Variants in LCORL observed in about 807,000 individuals in gnomAD.
The protein encoded by LCORL is ligand dependent nuclear receptor corepressor like, also known as ligand-dependent nuclear receptor corepressor-like protein.
Under a neutral mutation model 141.8 loss-of-function variants are expected in LCORL, and 41 were observed. That is an observed-to-expected ratio of 0.29 (90% CI 0.23 to 0.38). LCORL has a LOEUF of 0.38. Ranked by LOEUF, LCORL falls within the 10% of genes least tolerant of loss-of-function variation. LCORL has a pLI of 1.00. For missense variants in LCORL, 1,759 were observed against 2,035.0 expected (o/e 0.86, Z 2.61); for synonymous variants, 618 against 694.1 (o/e 0.89, Z 1.72).
chr4:18,018,755 CAT>C (rs1560492074), intron 1 of LCORL, among the ~76,000 whole-genome samples: 2 of 152,104 alleles, frequency 1.3e-5, no homozygotes, highest in Non-Finnish European at 2.9e-5. Flanking sequence ...CCTACAATTC[CAT>C]ATCTCACTTA....
At chr4:17,978,966 C>T (rs1315347657) in intron 1 of LCORL, among the ~76,000 whole-genome samples, 1 of 151,916 alleles carries the variant, frequency 6.6e-6, no homozygotes, top group Non-Finnish European at 1.5e-5. Flanking sequence ...GCACAACTTG[C>T]AGGTTTGTTA....
At chr4:18,002,278 C>T (rs1401012526) in intron 1 of LCORL, among the ~76,000 whole-genome samples, 1 of 152,080 alleles carries the variant, frequency 6.6e-6, no homozygotes, top group Non-Finnish European at 1.5e-5. Flanking sequence ...TGGTTTGCTT[C>T]ATGAATGTAA....
intron 1 of LCORL, among the ~76,000 whole-genome samples, chr4:17,987,107 C>T (rs149948840): frequency 3.7e-4 from 56 of 152,152 alleles, no homozygotes; most frequent in African/African-American, 1.2e-3. Context: ...AACTTATAAA[C>T]GGTATAAAAC....
intron 5 of LCORL, among the ~76,000 whole-genome samples, chr4:17,907,533 A>C (rs980569210): frequency 6.6e-6 from 1 of 152,212 alleles, no homozygotes; most frequent in Non-Finnish European, 1.5e-5. Flanking sequence ...AAGGGAATAT[A>C]AGGCATGGAA....
chr4:17,957,249 A>G (rs1712843431), intron 4 of LCORL, among the ~76,000 whole-genome samples: 3 of 152,030 alleles, frequency 2.0e-5, no homozygotes, highest in Admixed American at 2.0e-4. Context: ...AAAGAAGGTT[A>G]CGGTTTTGAT....
chr4:17,924,721 A>G (rs1399958105), intron 4 of LCORL, among the ~76,000 whole-genome samples: 1 of 152,234 alleles, frequency 6.6e-6, no homozygotes, highest in Non-Finnish European at 1.5e-5. Flanking sequence ...TAGCTAAAGA[A>G]GTGAAGCAGT....
chr4:17,995,081 C>T (rs1177542071), intron 1 of LCORL, among the ~76,000 whole-genome samples: 2 of 152,072 alleles, frequency 1.3e-5, no homozygotes, highest in Non-Finnish European at 2.9e-5. Context: ...AATTCACAGC[C>T]ACAGTGCCAT....
intron 1 of LCORL, among the ~76,000 whole-genome samples, chr4:17,983,597 T>C (rs1718402492): frequency 6.6e-6 from 1 of 152,148 alleles, no homozygotes; most frequent in Non-Finnish European, 1.5e-5. Flanking sequence ...ATGAGGGTAA[T>C]ATTTGTACAT....
intron 1 of LCORL, among the ~76,000 whole-genome samples, chr4:18,009,208 A>G (rs1723287825): frequency 6.6e-6 from 1 of 151,918 alleles, no homozygotes; most frequent in South Asian, 2.1e-4. Context: ...CAGCATTCTA[A>G]TTTTCCCTAC....
intron 1 of LCORL, among the ~76,000 whole-genome samples, chr4:18,004,280 T>C (rs1001180679): frequency 6.6e-6 from 1 of 152,194 alleles, no homozygotes; most frequent in Non-Finnish European, 1.5e-5. Flanking sequence ...TACTAGCCCA[T>C]TTTCATGCTG....
At chr4:17,937,653 A>G (rs528044110) in intron 4 of LCORL, among the ~76,000 whole-genome samples, 1 of 152,354 alleles carries the variant, frequency 6.6e-6, no homozygotes, top group South Asian at 2.1e-4. Flanking sequence ...TATGCTAGTT[A>G]GAACACCAGA....
chr4:17,871,159 AAAT>A (rs1301055596), intron 7 of LCORL, among the ~76,000 whole-genome samples: 11 of 152,152 alleles, frequency 7.2e-5, no homozygotes, highest in African/African-American at 1.2e-4. Flanking sequence ...AATGAGAAAA[AAAT>A]AATACTTTAA....
chr4:17,872,358 GA>G (rs1726449738), intron 7 of LCORL, among the ~76,000 whole-genome samples: 1 of 152,076 alleles, frequency 6.6e-6, no homozygotes, highest in Non-Finnish European at 1.5e-5. Context: ...CACACTGGAA[GA>G]ATTGTCTTGG....
Position 17,898,440 on chromosome 4 carries a change from C to A in LCORL, c.682+10654G>T, listed in dbSNP as rs373237268. On this transcript the variant is annotated intron_variant, in intron 5 of 7. Coordinates refer to ENST00000635767, the Ensembl canonical transcript of LCORL. ...AGAATATTTACATAAAACTCAATAA[C>A]AAGATCTGTTGAGAGCACTTCCATT... is the stretch of plus-strand genomic sequence containing the variant. Among the ~76,000 whole-genome samples, 29 of 152,206 alleles carry A rather than the reference C, an allele frequency of 1.9e-4. 1 individual carries two copies. In the South Asian group the frequency reaches 3.1e-3, roughly 16 times the overall value.
intron 4 of LCORL, among the ~76,000 whole-genome samples, chr4:17,941,492 C>T (rs1737958295): frequency 6.6e-6 from 1 of 151,892 alleles, no homozygotes; most frequent in Non-Finnish European, 1.5e-5. Context: ...CCACCATAAC[C>T]ATAGACTGCC....
Position 17,884,040 on chromosome 4 carries a change from C to G in LCORL, c.776+2028G>C. The G allele has an allele frequency of 6.4e-7, 1 of 1,550,740 alleles. No homozygotes were observed. Among genetic ancestry groups the G allele is most frequent in the South Asian group, 1.2e-5 (1 of 84,014 alleles). ...TCTTCAGTATTTTCAGAGGTTCCAT[C>G]AACTGTTCCATTTTTAGAATTAAGA... On this transcript the variant is annotated intron_variant, in intron 6 of 7. Transcript: ENST00000635767. The surrounding 1 kb of genome is among the most constrained non-coding windows in gnomAD (Gnocchi z 4.4).
chr4:17,933,007 G>C (rs1736290722), intron 4 of LCORL, among the ~76,000 whole-genome samples: 1 of 151,936 alleles, frequency 6.6e-6, no homozygotes, highest in South Asian at 2.1e-4. Context: ...TGTTGCTCTG[G>C]GGCTGTCTTT....
chr4:17,865,404 G>A (rs766735611), intron 7 of LCORL, among the ~76,000 whole-genome samples: 1 of 152,156 alleles, frequency 6.6e-6, no homozygotes, highest in Non-Finnish European at 1.5e-5. Context: ...ATGTTGCCCA[G>A]GCTGGTCTTG....
chr4:17,923,420 C>G (rs544643952), intron 4 of LCORL, among the ~76,000 whole-genome samples: 1 of 152,152 alleles, frequency 6.6e-6, no homozygotes, highest in Non-Finnish European at 1.5e-5. Flanking sequence ...CCAAGGCAGG[C>G]GGATAATTTG....
Sources: gnomAD v4.1 joint callset for allele counts (sites outside exome capture counted in the v4.1 genomes callset) on GRCh38, gnomAD v4.1.1 for gene constraint, Gnocchi (gnomAD v3.1) non-coding constraint, MANE v1.5 for transcripts, NCBI Gene and HGNC (gene_info 2026-07-23, HGNC 2026-07-21) for gene names.